The following TRPM1 variants were observed in gnomAD, a reference collection of about 807,000 sequenced individuals.
The protein encoded by TRPM1 is TRPM1-203 APA Isoform, Intron 10.
In TRPM1, 113 loss-of-function variants were observed where a neutral mutation model predicts 149.4. That is an observed-to-expected ratio of 0.76 (90% CI 0.65 to 0.88). TRPM1 has a LOEUF of 0.88. Among genes scored for constraint, TRPM1 ranks in the 40% least tolerant of loss-of-function variants. The pLI is 0.00. For synonymous variants in TRPM1, 741 were observed against 759.5 expected, an observed-to-expected ratio of 0.98 and a Z score of 0.40; for missense variants, 1,976 against 2,038.7, an observed-to-expected ratio of 0.97 and a Z score of 0.59.
At chr15:31,082,334 G>A (rs1207317048) in intron 1 of TRPM1, among the ~76,000 whole-genome samples, 1 of 152,156 alleles carries the variant, frequency 6.6e-6, no homozygotes, top group East Asian at 1.9e-4. Flanking sequence ...GTCCCAGCTG[G>A]GAAGTCTGTC....
chr15:31,148,838 C>G (rs943397233), intron 1 of TRPM1, among the ~76,000 whole-genome samples: 1 of 152,174 alleles, frequency 6.6e-6, no homozygotes. Context: ...TCAGTTCTGC[C>G]GTCTGTTAGA....
chr15:31,042,267 A>G (rs894068653), intron 16 of TRPM1, 24 bp from the exon 17 acceptor site: 5 of 1,553,112 alleles, frequency 3.2e-6, no homozygotes, highest in Non-Finnish European at 4.4e-6. Flanking sequence ...CATGGATTTC[A>G]TGGTTTTGCC....
At position 31,027,059 on chromosome 15, in the gene TRPM1, G is replaced by T. The variant is rs2032803854; in HGVS notation, c.3352C>A (p.Gln1118Lys). Residue 1118 changes from glutamine to lysine, a missense_variant, in exon 26 of 28, where the codon CAG becomes AAG. Physicochemically the swap from Gln to Lys is moderately conservative, Grantham distance 53. Around this residue, in one of 3 missense-constraint regions of TRPM1, gnomAD observed 72 missense variants for 112.7 expected, o/e 0.64. Coordinates refer to ENST00000256552, the MANE Select transcript of TRPM1 (RefSeq NM_001252024.2). The part of the protein sequence containing the change: ...SNQVWKFQRY[Q>K]LIMTFHDRPV... ...CTGTCATGAAATGTCATAATCAGCT[G>T]ATATCGCTGGAACTTCCACACCTGG... The T allele has an allele frequency of 6.2e-7, 1 of 1,614,086 alleles. No individual in the cohort carries two copies. Among genetic ancestry groups the T allele is most frequent in the Non-Finnish European group, 8.5e-7 (1 of 1,180,054 alleles).
intron 8 of TRPM1, 45 bp from the exon 9 acceptor site, chr15:31,062,747 C>A (rs1423603945): frequency 6.2e-7 from 1 of 1,604,598 alleles, no homozygotes; most frequent in East Asian, 2.2e-5. Flanking sequence ...CAAGTTAAAT[C>A]TATATATGAA....
chr15:31,133,586 G>A (rs1367050365), intron 1 of TRPM1, among the ~76,000 whole-genome samples: 1 of 152,054 alleles, frequency 6.6e-6, no homozygotes, highest in Non-Finnish European at 1.5e-5. Context: ...GAAGGCTGAG[G>A]CAGGAGAAGT....
chr15:31,083,613 T>G (rs1440758919), intron 1 of TRPM1, among the ~76,000 whole-genome samples: 1 of 152,184 alleles, frequency 6.6e-6, no homozygotes, highest in Admixed American at 6.5e-5. Flanking sequence ...CCCAGCCTTA[T>G]ATGCAGAAAG....
At chr15:31,123,378 A>G (rs1322604733) in intron 1 of TRPM1, among the ~76,000 whole-genome samples, 1 of 152,228 alleles carries the variant, frequency 6.6e-6, no homozygotes, top group Admixed American at 6.5e-5. Context: ...AGACATGGCT[A>G]TGTACATTTA....
At chr15:31,085,070 T>A (rs185175718) in intron 1 of TRPM1, among the ~76,000 whole-genome samples, 49 of 152,278 alleles carry the variant, frequency 3.2e-4, no homozygotes, top group East Asian at 7.7e-4. Flanking sequence ...ATTTTGTGTT[T>A]GTGGGAGGGG....
intron 2 of TRPM1, among the ~76,000 whole-genome samples, chr15:31,077,345 A>G (rs939593965): frequency 6.6e-6 from 1 of 152,146 alleles, no homozygotes; most frequent in African/African-American, 2.4e-5. Context: ...CAGGGAGGCC[A>G]CCTGGAGCAG....
At chr15:31,057,449 A>G (rs757967017) in intron 11 of TRPM1, among the ~76,000 whole-genome samples, 3 of 152,106 alleles carry the variant, frequency 2.0e-5, no homozygotes, top group Non-Finnish European at 4.4e-5. Flanking sequence ...AGGCTTAATA[A>G]CTGGGTGGTG....
chr15:31,054,402 C>T (rs567593530), intron 11 of TRPM1, among the ~76,000 whole-genome samples: 2 of 152,026 alleles, frequency 1.3e-5, no homozygotes, highest in African/African-American at 4.8e-5. Flanking sequence ...TCAAGCAATT[C>T]TCCTGCCTCA....
intron 27 of TRPM1, among the ~76,000 whole-genome samples, chr15:31,023,075 C>A (rs1336768192): frequency 6.6e-6 from 1 of 152,188 alleles, no homozygotes; most frequent in African/African-American, 2.4e-5. Flanking sequence ...TGGATATGTG[C>A]AGGCTCTAGG....
In TRPM1 at chr15:31,026,216, G is replaced by A. The variant is rs1436085812; in HGVS notation, c.3552C>T (p.Cys1184=). ...LKRLHEFEEQ[C]VQEHFREKED... ...CCTTCTCCCGGAAGTGCTCCTGCAC[G>A]CACTGCTCCTCGAACTCATGCAGCC... The change falls in exon 27 of 28, where the codon TGC becomes TGT. Residue 1184 remains cysteine (C), a synonymous_variant. Coordinates refer to ENST00000256552, the MANE Select transcript of TRPM1 (RefSeq NM_001252024.2). 4.3e-6 allele frequency: 7 copies of A among 1,612,374 alleles called. No homozygotes were observed. The Middle Eastern group carries it at 4.9e-4, about 114-fold the overall frequency.
At chr15:31,143,338 G>A (rs67485529) in intron 1 of TRPM1, among the ~76,000 whole-genome samples, 24,407 of 152,122 alleles carry the variant, frequency 0.16, 2,293 homozygotes, top group African/African-American at 0.27. Flanking sequence ...AGTTTTTACA[G>A]CTTTTTAATT....
chr15:31,050,481 G>C lies in TRPM1; in HGVS notation c.1365C>G (p.Gly455=). 1.9e-6 allele frequency: 3 copies of C among 1,613,962 alleles called. No individual in the cohort carries two copies. Among genetic ancestry groups the C allele is most frequent in the Non-Finnish European group, 8.5e-7 (1 of 1,179,990 alleles). ...CCTCTTTCACTTTCCCTTTCTTCTT[G>C]CCTTTCCCTTTTCCTCTTCCTCCCT... ...TTKGGRGKGK[G]KKKGKVKEEV... is the part of the protein sequence containing the mutation. Residue 455 remains glycine (G), a synonymous_variant, in exon 12 of 28, where the codon GGC becomes GGG. Transcript: ENST00000256552.
At chr15:31,119,743 A>G (rs187910011) in intron 1 of TRPM1, among the ~76,000 whole-genome samples, 6 of 152,338 alleles carry the variant, frequency 3.9e-5, no homozygotes, top group Admixed American at 6.5e-5. Context: ...AAAATTGGAA[A>G]TACTCTGCCA....
At position 31,042,101 on chromosome 15, in the gene TRPM1, C is replaced by A; in HGVS notation, c.1937G>T (p.Arg646Leu). The A allele has an allele frequency of 6.2e-7, 1 of 1,614,208 alleles. No individual in the cohort carries two copies. ...ELMVWAVLMK[R>L]QKMAVFLWQR... ...CCAGAGGAACACTGCCATTTTCTGG[C>A]GTTTCATCAGCACTGCCCACACCAT... Residue 646 changes from arginine to leucine, a missense_variant, in exon 17 of 28, where the codon CGC (arginine) becomes CTC (leucine). Arg to Leu is a moderately radical substitution (Grantham distance 102). Transcript: ENST00000256552.
At chr15:31,021,203 G>A (rs143844915) in intron 27 of TRPM1, among the ~76,000 whole-genome samples, 4 of 152,204 alleles carry the variant, frequency 2.6e-5, no homozygotes, top group East Asian at 3.9e-4. Context: ...CGCATTTGCC[G>A]TTCTACAACC....
chr15:31,063,224 A>G lies in TRPM1; in HGVS notation c.859T>C (p.Leu287=). 1 of 1,614,206 alleles carries G rather than the reference A, an allele frequency of 6.2e-7. No homozygotes were observed. Among genetic ancestry groups the G allele is most frequent in the South Asian group, 1.1e-5 (1 of 91,084 alleles). Residue 287 remains leucine (L), a synonymous_variant, in exon 8 of 28, where the codon TTG becomes CTG. Transcript: ENST00000256552. ...GGAGGCTCTTCTTGCAGGTATTCCA[A>G]GACGATGGACACCACGTTAGGGCCC... ...EGGPNVVSIV[L]EYLQEEPPIP... is the part of the protein sequence containing the mutation.
Sources: allele counts gnomAD v4.1 joint callset (sites outside exome capture counted in the v4.1 genomes callset), GRCh38; gene constraint gnomAD v4.1.1; regional missense constraint gnomAD v4.1.1; transcripts MANE v1.5; gene names NCBI Gene and HGNC (gene_info 2026-07-23, HGNC 2026-07-21).